The following CTNND2 variants were observed in gnomAD, a reference collection of about 807,000 sequenced individuals.
The protein encoded by CTNND2 is catenin delta-2.
In CTNND2, 22 loss-of-function variants were observed where a neutral mutation model predicts 144.4. The observed-to-expected ratio is 0.15, with a 90% confidence interval of 0.11 to 0.22. The LOEUF (loss-of-function observed/expected upper bound fraction) is 0.22, where lower values mean the gene tolerates loss of function less well. CTNND2 is among the 10% of genes least tolerant of loss of function. CTNND2 has a pLI of 1.00. For synonymous variants in CTNND2, 751 were observed against 695.6 expected (o/e 1.08, Z -1.25); for missense variants, 1,353 against 1,618.8 (o/e 0.84, Z 2.82).
intron 1 of CTNND2, among the ~76,000 whole-genome samples, chr5:11,864,065 C>T (rs1424335248): frequency 2.6e-5 from 4 of 152,102 alleles, no homozygotes; most frequent in Non-Finnish European, 4.4e-5. Context: ...TGTTTCACTG[C>T]TCTGCTCAGG....
chr5:11,102,604 A>G (rs1475799650), intron 14 of CTNND2, among the ~76,000 whole-genome samples: 1 of 152,238 alleles, frequency 6.6e-6, no homozygotes, highest in Non-Finnish European at 1.5e-5. Flanking sequence ...ACTAATATCC[A>G]TAAAAAATCA....
At chr5:11,603,663 T>C (rs1324725165) in intron 2 of CTNND2, among the ~76,000 whole-genome samples, 1 of 152,234 alleles carries the variant, frequency 6.6e-6, no homozygotes, top group Non-Finnish European at 1.5e-5. Context: ...GGCAAGGCTA[T>C]ATGACAGAGC....
chr5:11,807,749 T>C (rs189904479), intron 1 of CTNND2, among the ~76,000 whole-genome samples: 1 of 152,164 alleles, frequency 6.6e-6, no homozygotes, highest in African/African-American at 2.4e-5. Context: ...GACAGAGGCA[T>C]AATGGTTCTG....
chr5:11,385,305 C>A, intron 6 of CTNND2, 76 bp from the exon 7 acceptor site: 1 of 988,098 alleles, frequency 1.0e-6, no homozygotes, highest in Non-Finnish European at 1.2e-6. Context: ...AGCCCGGCCC[C>A]GAGAGCAGAG....
At chr5:11,705,726 C>G (rs952844268) in intron 2 of CTNND2, among the ~76,000 whole-genome samples, 3 of 152,080 alleles carry the variant, frequency 2.0e-5, no homozygotes, top group African/African-American at 7.2e-5. Flanking sequence ...TTCTTCTATC[C>G]CTTTTATCTT....
At chr5:11,181,134 C>T (rs1580510683) in intron 11 of CTNND2, among the ~76,000 whole-genome samples, 1 of 152,030 alleles carries the variant, frequency 6.6e-6, no homozygotes, top group Non-Finnish European at 1.5e-5. Context: ...GGTGCAGTGG[C>T]GGGGAGGGTG....
At chr5:11,330,483 CAAAAAAAAAAA>C (rs10627159) in intron 9 of CTNND2, among the ~76,000 whole-genome samples, 8 of 43,456 alleles carry the variant, frequency 1.8e-4, no homozygotes, top group South Asian at 1.1e-3. Context: ...GACTCCGTCT[CAAAAAAAAAAA>C]AAAAAAAAAA....
chr5:11,439,510 T>C lies in CTNND2; in HGVS notation c.288-27441A>G, dbSNP rs189349335. ...AGTTTCTTATTAATAGTTGGAGTTA[T>C]AGTCGGAGTTATAGTCCAAACCACG... is the stretch of plus-strand genomic sequence containing the variant. On this transcript the variant is annotated intron_variant, in intron 3 of 21. Coordinates refer to ENST00000304623, the MANE Select transcript of CTNND2 (RefSeq NM_001332.4). 2.6e-5 allele frequency among the ~76,000 whole-genome samples: 4 copies of C among 152,310 alleles called. No individual in the cohort carries two copies. The East Asian group carries it at 5.8e-4, about 22-fold the overall frequency.
intron 1 of CTNND2, among the ~76,000 whole-genome samples, chr5:11,889,218 C>T (rs888298972): frequency 2.6e-5 from 4 of 152,132 alleles, no homozygotes; most frequent in African/African-American, 9.7e-5. Context: ...GAGAAGGGGC[C>T]AGAATGCCAC....
chr5:11,092,621 G>A (rs769949257), intron 15 of CTNND2, among the ~76,000 whole-genome samples: 2 of 152,310 alleles, frequency 1.3e-5, no homozygotes, highest in African/African-American at 2.4e-5. Flanking sequence ...CTGTGTCTGA[G>A]TGTACCATCT....
chr5:11,083,835 A>G, intron 15 of CTNND2: 2 of 937,364 alleles, frequency 2.1e-6, no homozygotes, highest in Non-Finnish European at 2.6e-6. Context: ...GGCCACCTCC[A>G]CCCCCCTTCC....
At chr5:11,834,298 T>A (rs952422951) in intron 1 of CTNND2, among the ~76,000 whole-genome samples, 3 of 152,238 alleles carry the variant, frequency 2.0e-5, no homozygotes, top group Non-Finnish European at 2.9e-5. Context: ...TCTACCCATT[T>A]ATCCAAGACA....
At chr5:11,800,878 C>T (rs1791643292) in intron 1 of CTNND2, among the ~76,000 whole-genome samples, 1 of 152,096 alleles carries the variant, frequency 6.6e-6, no homozygotes, top group African/African-American at 2.4e-5. Context: ...TTTTAGAATT[C>T]CCTTCTCTTG....
chr5:11,753,603 G>T (rs1162548952), intron 1 of CTNND2, among the ~76,000 whole-genome samples: 1 of 151,800 alleles, frequency 6.6e-6, no homozygotes, highest in Non-Finnish European at 1.5e-5. Context: ...TTACATCAAT[G>T]TTCATCAAGG....
chr5:11,503,948 C>A (rs935474301), intron 3 of CTNND2, among the ~76,000 whole-genome samples: 2 of 152,184 alleles, frequency 1.3e-5, no homozygotes, highest in Admixed American at 6.5e-5. Context: ...ACACATAAAT[C>A]ATTTACAAAG....
chr5:11,142,058 C>T (rs561510048), intron 12 of CTNND2, among the ~76,000 whole-genome samples: 1 of 152,280 alleles, frequency 6.6e-6, no homozygotes, highest in Admixed American at 6.5e-5. Flanking sequence ...AGAAGGCCCT[C>T]ACCATATGCC....
At chr5:11,531,268 A>G (rs1581424550) in intron 3 of CTNND2, among the ~76,000 whole-genome samples, 1 of 152,266 alleles carries the variant, frequency 6.6e-6, no homozygotes, top group African/African-American at 2.4e-5. Context: ...AGGACCCTAC[A>G]CAGGTGAGGA....
At chr5:11,613,226 T>G (rs541906842) in intron 2 of CTNND2, among the ~76,000 whole-genome samples, 7 of 152,378 alleles carry the variant, frequency 4.6e-5, no homozygotes, top group South Asian at 4.1e-4. Flanking sequence ...ATTATTCTGT[T>G]GCAAGTAGCT....
chr5:11,130,782 T>C (rs1255910304), intron 12 of CTNND2, among the ~76,000 whole-genome samples: 3 of 152,124 alleles, frequency 2.0e-5, no homozygotes, highest in African/African-American at 4.8e-5. Context: ...AGTAACGCCA[T>C]ATGGTCCATC....
Sources: gnomAD v4.1 joint callset for allele counts (sites outside exome capture counted in the v4.1 genomes callset) on GRCh38, gnomAD v4.1.1 for gene constraint, MANE v1.5 for transcripts, NCBI Gene and HGNC (gene_info 2026-07-23, HGNC 2026-07-21) for gene names.